CALD1: variants seen among roughly 807,000 people sequenced by gnomAD.
The protein encoded by CALD1 is caldesmon.
CALD1 carries 33 observed loss-of-function variants against 99.9 expected under a neutral mutation model. That is an observed-to-expected ratio of 0.33 (90% CI 0.25 to 0.44). The LOEUF (loss-of-function observed/expected upper bound fraction) is 0.44. CALD1 is among the 20% of genes least tolerant of loss of function. CALD1 has a pLI of 1.00. For missense variants in CALD1, 861 were observed against 962.1 expected (o/e 0.89, Z 1.39); for synonymous variants, 310 against 325.0 (o/e 0.95, Z 0.50).
At chr7:134,821,652 G>A (rs56408508) in intron 1 of CALD1, among the ~76,000 whole-genome samples, 31,242 of 108,356 alleles carry the variant, frequency 0.29, 5,881 homozygotes, top group East Asian at 0.6. Context: ...GCACAATCTT[G>A]GCTCACTGCA....
chr7:134,941,145 C>T lies in CALD1; in HGVS notation c.1440C>T (p.Ser480=), dbSNP rs1207360100. ...KDKEPKEEVK[S]FMDRKKGFTE... ...AAGAACCCAAAGAAGAAGTTAAGAG[C>T]TTCATGGATCGAAAGAAGGGATTTA... Residue 480 remains serine, a synonymous_variant, in exon 7 of 15, where the codon AGC becomes AGT. Transcript: ENST00000361675. 9 of 1,612,670 alleles carry T rather than the reference C, an allele frequency of 5.6e-6. No individual in the cohort carries two copies. Among genetic ancestry groups the T allele is most frequent in the Non-Finnish European group, 6.8e-6 (8 of 1,179,116 alleles).
chr7:134,736,193 T>C, the CALD1 span, among the ~76,000 whole-genome samples: 1 of 152,162 alleles, frequency 6.6e-6, no homozygotes, highest in Non-Finnish European at 1.5e-5. Flanking sequence ...ACTATCACCA[T>C]TGACAACAAA....
chr7:134,921,893 GA>G (rs1288499932), intron 3 of CALD1, among the ~76,000 whole-genome samples: 1 of 152,074 alleles, frequency 6.6e-6, no homozygotes, highest in African/African-American at 2.4e-5. Flanking sequence ...CTACCCTAAA[GA>G]AATACTTGCA....
intron 3 of CALD1, among the ~76,000 whole-genome samples, chr7:134,882,722 T>C (rs1365701561): frequency 6.6e-6 from 1 of 152,230 alleles, no homozygotes; most frequent in Non-Finnish European, 1.5e-5. Flanking sequence ...TTTATCAACA[T>C]TCTTTCTGAT....
intron 13 of CALD1, chr7:134,963,013 T>C: frequency 2.3e-6 from 1 of 435,856 alleles, no homozygotes; most frequent in South Asian, 1.7e-5. Flanking sequence ...AAAAGGACTC[T>C]TTAAACTCTT....
chr7:134,736,060 T>C, the CALD1 span, among the ~76,000 whole-genome samples: 1 of 151,978 alleles, frequency 6.6e-6, no homozygotes, highest in Admixed American at 6.6e-5. Flanking sequence ...TTTTTCACAG[T>C]TTCTGGAGCC....
At chr7:134,853,291 A>C (rs745338149) in intron 2 of CALD1, among the ~76,000 whole-genome samples, 18 of 152,148 alleles carry the variant, frequency 1.2e-4, no homozygotes, top group Non-Finnish European at 2.2e-4. Context: ...AGTGGAAAGG[A>C]ATTTTATTTA....
intron 2 of CALD1, among the ~76,000 whole-genome samples, chr7:134,861,954 T>G (rs1800581240): frequency 6.6e-6 from 1 of 152,190 alleles, no homozygotes; most frequent in South Asian, 2.1e-4. Flanking sequence ...AAGAAAAGTA[T>G]GCAATGATGC....
At chr7:134,759,307 T>C (rs1272966793) in intron 1 of CALD1, among the ~76,000 whole-genome samples, 1 of 152,198 alleles carries the variant, frequency 6.6e-6, no homozygotes, top group African/African-American at 2.4e-5. Flanking sequence ...AGGTAGAGAC[T>C]GAAAAGTCAC....
chr7:134,782,869 C>A (rs1252429026), intron 1 of CALD1, among the ~76,000 whole-genome samples: 2 of 152,136 alleles, frequency 1.3e-5, no homozygotes, highest in African/African-American at 4.8e-5. Flanking sequence ...TTTCTAGAGC[C>A]CTGAGCCGTG....
intron 1 of CALD1, among the ~76,000 whole-genome samples, chr7:134,799,991 T>C (rs1244989113): frequency 6.6e-6 from 1 of 151,884 alleles, no homozygotes; most frequent in Non-Finnish European, 1.5e-5. Flanking sequence ...AGAGAAAAGA[T>C]GAAAAAAGGC....
At chr7:134,827,839 C>T (rs923606282) in intron 1 of CALD1, among the ~76,000 whole-genome samples, 18 of 152,124 alleles carry the variant, frequency 1.2e-4, no homozygotes, top group African/African-American at 4.1e-4. Context: ...AACTCAGGAC[C>T]GTCTACAGAA....
At chr7:134,747,044 T>C (rs2347723) in intron 1 of CALD1, among the ~76,000 whole-genome samples, 96,586 of 151,984 alleles carry the variant, frequency 0.64, 31,157 homozygotes, top group East Asian at 0.89. Context: ...AGTCTATTCA[T>C]ATTGAAAAAA....
At chr7:134,937,417 A>G (rs941570741) in intron 6 of CALD1, among the ~76,000 whole-genome samples, 1 of 152,150 alleles carries the variant, frequency 6.6e-6, no homozygotes, top group Non-Finnish European at 1.5e-5. Context: ...TTTTTGACAC[A>G]AGGCCAGATA....
chr7:134,966,760 C>T (rs1156853650), intron 14 of CALD1, among the ~76,000 whole-genome samples: 1 of 147,294 alleles, frequency 6.8e-6, no homozygotes, highest in Non-Finnish European at 1.5e-5. Flanking sequence ...CTCTCGGTGG[C>T]AGGGGAGAAA....
intron 1 of CALD1, among the ~76,000 whole-genome samples, chr7:134,814,046 CAGG>C (rs1180434636): frequency 1.3e-5 from 2 of 152,062 alleles, no homozygotes; most frequent in Non-Finnish European, 2.9e-5. Flanking sequence ...GAGTTAAAAC[CAGG>C]AGCTAACATC....
chr7:134,773,806 G>C (rs2131638680), intron 1 of CALD1, among the ~76,000 whole-genome samples: 1 of 151,736 alleles, frequency 6.6e-6, no homozygotes, highest in South Asian at 2.1e-4. Context: ...GTGTGTGTGT[G>C]TGTGTGTGTG....
chr7:134,876,875 T>C (rs149218697), intron 3 of CALD1, among the ~76,000 whole-genome samples: 3 of 152,294 alleles, frequency 2.0e-5, no homozygotes, highest in African/African-American at 7.2e-5. Flanking sequence ...ATCACTACTA[T>C]CTTTGGGGAG....
the CALD1 span, among the ~76,000 whole-genome samples, chr7:134,719,044 G>T: frequency 6.6e-6 from 1 of 152,106 alleles, no homozygotes; most frequent in African/African-American, 2.4e-5. Context: ...AAGAAACTGA[G>T]GTATAAGGAC....
Sources: gnomAD v4.1 joint callset for allele counts (sites outside exome capture counted in the v4.1 genomes callset) on GRCh38, gnomAD v4.1.1 for gene constraint, MANE v1.5 for transcripts, NCBI Gene and HGNC (gene_info 2026-07-23, HGNC 2026-07-21) for gene names.